Variants in LRP1B observed in about 807,000 individuals in gnomAD.
LRP1B encodes the protein low-density lipoprotein receptor-related protein 1B.
Under a neutral mutation model 556.6 loss-of-function variants are expected in LRP1B, and 217 were observed. That is an observed-to-expected ratio of 0.39 (90% CI 0.35 to 0.44). LRP1B has a LOEUF of 0.44. LRP1B is among the 20% of genes least tolerant of loss of function. The pLI, the probability that LRP1B is intolerant of heterozygous loss-of-function variation, is 1.00. For synonymous variants in LRP1B, 2,047 were observed against 1,865.8 expected (o/e 1.10, Z -2.50); for missense variants, 5,053 against 5,620.8 (o/e 0.90, Z 3.23).
intron 2 of LRP1B, among the ~76,000 whole-genome samples, chr2:141,686,010 A>T (rs1691288773): frequency 6.6e-6 from 1 of 152,078 alleles, no homozygotes; most frequent in African/African-American, 2.4e-5. Flanking sequence ...ATGGAAAACA[A>T]ATGTAGAATA....
intron 2 of LRP1B, among the ~76,000 whole-genome samples, chr2:141,536,898 T>C (rs956687733): frequency 6.6e-6 from 1 of 152,032 alleles, no homozygotes; most frequent in Non-Finnish European, 1.5e-5. Context: ...GAAATTAAAC[T>C]GTCAGGAGGA....
chr2:141,215,802 A>G (rs901756495), intron 6 of LRP1B, among the ~76,000 whole-genome samples: 11 of 152,202 alleles, frequency 7.2e-5, no homozygotes, highest in Admixed American at 6.5e-5. Flanking sequence ...TGCTTCTGAC[A>G]ACCAATACTC....
At chr2:140,338,116 T>C (rs562479508) in intron 77 of LRP1B, among the ~76,000 whole-genome samples, 7 of 151,880 alleles carry the variant, frequency 4.6e-5, no homozygotes, top group African/African-American at 1.7e-4. Context: ...TATTGATGAC[T>C]TGCAGAGCCA....
At chr2:141,885,346 C>T (rs1381766017) in intron 1 of LRP1B, among the ~76,000 whole-genome samples, 1 of 152,082 alleles carries the variant, frequency 6.6e-6, no homozygotes, top group Non-Finnish European at 1.5e-5. Flanking sequence ...GATACAGAGT[C>T]TATTGCTGAA....
In LRP1B at chr2:140,283,699, T is replaced by C. The variant is rs373004039; in HGVS notation, c.12968-9101A>G. Among the ~76,000 whole-genome samples, 11 of 151,830 alleles carry C rather than the reference T, an allele frequency of 7.2e-5. No individual in the cohort carries two copies. In the East Asian group the frequency reaches 2.1e-3, roughly 30 times the overall value. On this transcript the variant is annotated intron_variant, in intron 84 of 90. Coordinates refer to ENST00000389484, the MANE Select transcript of LRP1B (RefSeq NM_018557.3). ...TTTTTGACAAACTGCCATTGTAAAA[T>C]GCATATTAACAATGATGGCATCAAT...
intron 22 of LRP1B, among the ~76,000 whole-genome samples, chr2:140,906,839 CTTAAG>C (rs1182539652): frequency 1.7e-4 from 26 of 151,900 alleles, no homozygotes; most frequent in Admixed American, 1.7e-3. Flanking sequence ...TGTTGCTCAA[CTTAAG>C]TTCTTTTATT....
chr2:141,526,779 T>G (rs1684706089), intron 2 of LRP1B, among the ~76,000 whole-genome samples: 1 of 152,084 alleles, frequency 6.6e-6, no homozygotes, highest in South Asian at 2.1e-4. Context: ...TTGCCCAAGC[T>G]TCCCAGAACA....
chr2:140,755,840 A>G (rs1040079044), intron 35 of LRP1B, among the ~76,000 whole-genome samples: 1 of 152,032 alleles, frequency 6.6e-6, no homozygotes, highest in Non-Finnish European at 1.5e-5. Flanking sequence ...AACCAAGGCA[A>G]TTAGGCAAAA....
intron 41 of LRP1B, among the ~76,000 whole-genome samples, chr2:140,617,582 T>C (rs1683302159): frequency 6.6e-6 from 1 of 151,964 alleles, no homozygotes; most frequent in South Asian, 2.1e-4. Flanking sequence ...CTTCAAGTTA[T>C]ATAAGGGAAA....
intron 3 of LRP1B, among the ~76,000 whole-genome samples, chr2:141,369,682 C>G (rs908627010): frequency 6.6e-6 from 1 of 152,038 alleles, no homozygotes; most frequent in Non-Finnish European, 1.5e-5. Context: ...TGTATATATT[C>G]ATGGGGTACA....
intron 3 of LRP1B, among the ~76,000 whole-genome samples, chr2:141,456,504 A>C (rs186432123): frequency 6.6e-6 from 1 of 152,222 alleles, no homozygotes; most frequent in East Asian, 1.9e-4. Context: ...TCTTGAGATT[A>C]GAGACAATAT....
intron 68 of LRP1B, among the ~76,000 whole-genome samples, chr2:140,375,417 A>G (rs1683183033): frequency 6.6e-6 from 1 of 152,136 alleles, no homozygotes; most frequent in African/African-American, 2.4e-5. Context: ...AATGGTATTT[A>G]GAGACCACTT....
intron 2 of LRP1B, among the ~76,000 whole-genome samples, chr2:141,484,162 G>C (rs1279078712): frequency 6.8e-6 from 1 of 147,378 alleles, no homozygotes; most frequent in East Asian, 2.0e-4. Flanking sequence ...AAGGGATCCA[G>C]TTTCAGCTTT....
intron 11 of LRP1B, among the ~76,000 whole-genome samples, chr2:141,038,387 T>C (rs1410562793): frequency 1.3e-5 from 2 of 152,236 alleles, no homozygotes; most frequent in Admixed American, 1.3e-4. Context: ...TTCTGTCTAC[T>C]ACTACCTAGT....
intron 20 of LRP1B, among the ~76,000 whole-genome samples, chr2:140,935,502 A>G (rs572361330): frequency 6.6e-6 from 1 of 152,192 alleles, no homozygotes; most frequent in South Asian, 2.1e-4. Flanking sequence ...GAAAAGAGGG[A>G]AAAAAATCAA....
At chr2:140,863,958 A>G (rs1481678722) in intron 27 of LRP1B, among the ~76,000 whole-genome samples, 2 of 151,838 alleles carry the variant, frequency 1.3e-5, no homozygotes, top group Non-Finnish European at 1.5e-5. Context: ...AACAATTCCA[A>G]GAGGAATATA....
intron 1 of LRP1B, among the ~76,000 whole-genome samples, chr2:141,937,341 C>T (rs908691069): frequency 8.6e-5 from 13 of 151,506 alleles, no homozygotes; most frequent in Admixed American, 2.0e-4. Context: ...GCCGAGATCG[C>T]GCCACTGCAC....
chr2:140,357,449 T>G (rs887694186), intron 74 of LRP1B, among the ~76,000 whole-genome samples: 1 of 151,584 alleles, frequency 6.6e-6, no homozygotes, highest in Non-Finnish European at 1.5e-5. Flanking sequence ...GGATCATACA[T>G]TTAATTATTT....
At chr2:141,588,255 T>A (rs891803209) in intron 2 of LRP1B, among the ~76,000 whole-genome samples, 7 of 151,702 alleles carry the variant, frequency 4.6e-5, no homozygotes, top group African/African-American at 1.7e-4. Flanking sequence ...CTTTTTTTTT[T>A]ATCATAAGAG....
Sources: allele counts gnomAD v4.1 joint callset (sites outside exome capture counted in the v4.1 genomes callset), GRCh38; gene constraint gnomAD v4.1.1; transcripts MANE v1.5; gene names NCBI Gene and HGNC (gene_info 2026-07-23, HGNC 2026-07-21).